The following EXOC6B variants were observed in gnomAD, a reference collection of about 807,000 sequenced individuals.
EXOC6B encodes exocyst complex component 6B, also known as SEC15 homolog B.
Under a neutral mutation model 113.5 loss-of-function variants are expected in EXOC6B, and 54 were observed. That is an observed-to-expected ratio of 0.48 (90% CI 0.38 to 0.60). The LOEUF is 0.60. Ranked by LOEUF, EXOC6B falls within the 20% of genes least tolerant of loss-of-function variation. The probability of loss-of-function intolerance (pLI) is 0.00; values close to 1 mark genes in which losing one functional copy is unlikely to be tolerated. For missense variants in EXOC6B, 797 were observed against 977.5 expected (o/e 0.82, Z 2.46); for synonymous variants, 357 against 339.0 (o/e 1.05, Z -0.58).
chr2:72,379,730 T>A lies in EXOC6B; in HGVS notation c.2121A>T (p.Glu707Asp). 1 of 1,609,750 alleles carries A rather than the reference T, an allele frequency of 6.2e-7. No individual in the cohort carries two copies. The highest frequency in any genetic ancestry group is 8.5e-7 in the Non-Finnish European group (1 of 1,177,518). ...GCACAGGGATGGTCACTGTCTTACG[T>A]TCACATTCTCTGACGTCCAAGTTGA... ...QQFNLDVRECEQFARSGPVPG... is the reference protein window; with the variant it reads ...QQFNLDVRECDQFARSGPVPG... Residue 707 changes from glutamate to aspartate, a missense_variant and splice_region_variant, in exon 19 of 22, where the codon GAA (glutamate) becomes GAT (aspartate). Coordinates refer to ENST00000272427, the MANE Select transcript of EXOC6B (RefSeq NM_015189.3).
At chr2:72,760,479 ATAC>A (rs1682676024) in intron 1 of EXOC6B, 1 of 152,586 alleles carries the variant, frequency 6.6e-6, no homozygotes, top group African/African-American at 2.4e-5. Context: ...TCCATAAATA[ATAC>A]TAAGTTGATT....
At chr2:72,183,893 C>T (rs534880920) in intron 21 of EXOC6B, among the ~76,000 whole-genome samples, 182 bp downstream of exon 21, 1 of 152,278 alleles carries the variant, frequency 6.6e-6, no homozygotes, top group South Asian at 2.1e-4. Flanking sequence ...TAATAAGCCA[C>T]AGGAGGAAGA....
chr2:72,617,517 CTT>C lies in EXOC6B; in HGVS notation c.670-41851_670-41850del, dbSNP rs201912352. 4.8e-3 allele frequency among the ~76,000 whole-genome samples: 461 copies of C among 96,904 alleles called. 3 individuals carry two copies. The highest frequency in any genetic ancestry group is 0.016 in the African/African-American group (436 of 26,452). The allele number at this position is 96,904 out of a possible 152,430, so 63.6% of individuals were successfully genotyped here. ...GGTCCCCAAAGCTCAAATCTTTTTT[CTT>C]TTTTTTTTTTTTTTTTTTTTGAGGC... On this transcript the variant is annotated intron_variant, in intron 6 of 21. Coordinates refer to ENST00000272427, the MANE Select transcript of EXOC6B (RefSeq NM_015189.3).
rs140150826 is a variant in EXOC6B, at chr2:72,239,403, C to T, written c.2197-55216G>A. ...CTTCATTCCTTTACCTGTGGATATC[C>T]AGTTGTCACAGTACCATTTGTGGAA... On this transcript the variant is annotated intron_variant, in intron 20 of 21. Transcript: ENST00000272427. Among the ~76,000 whole-genome samples, 231 of 152,246 alleles carry T rather than the reference C, an allele frequency of 1.5e-3. 5 individuals carry two copies. The highest frequency in any genetic ancestry group is 4.0e-4 in the Non-Finnish European group (27 of 68,016).
At chr2:72,760,546 T>A in intron 1 of EXOC6B, 1 of 162,590 alleles carries the variant, frequency 6.2e-6, no homozygotes, top group South Asian at 1.5e-4. Context: ...GTAATAATGT[T>A]CATCAAATGT....
chr2:72,563,031 T>C (rs1703977768), intron 7 of EXOC6B, among the ~76,000 whole-genome samples: 1 of 152,156 alleles, frequency 6.6e-6, no homozygotes, highest in African/African-American at 2.4e-5. Flanking sequence ...TTCAAACCTT[T>C]TTCCAGAGGA....
intron 6 of EXOC6B, among the ~76,000 whole-genome samples, chr2:72,590,142 A>C (rs1039493948): frequency 6.6e-6 from 1 of 152,032 alleles, no homozygotes; most frequent in Non-Finnish European, 1.5e-5. Context: ...CACTGGCTAT[A>C]TAAGTTGCTA....
intron 18 of EXOC6B, among the ~76,000 whole-genome samples, chr2:72,444,846 T>A (rs1197598311): frequency 6.6e-6 from 1 of 152,140 alleles, no homozygotes; most frequent in Non-Finnish European, 1.5e-5. Context: ...AGGCCCATGA[T>A]GGGAGGGGCT....
At chr2:72,331,209 T>C (rs1426131545) in intron 20 of EXOC6B, among the ~76,000 whole-genome samples, 1 of 152,152 alleles carries the variant, frequency 6.6e-6, no homozygotes, top group Non-Finnish European at 1.5e-5. Flanking sequence ...GTCATTCCTT[T>C]GCTCCCAGAG....
chr2:72,221,973 G>A (rs139218262), intron 20 of EXOC6B, among the ~76,000 whole-genome samples: 2,641 of 152,254 alleles, frequency 0.017, 48 homozygotes, highest in Non-Finnish European at 0.021. Context: ...AGATGAGGAG[G>A]TGAAACTGGG....
intron 18 of EXOC6B, among the ~76,000 whole-genome samples, chr2:72,460,616 A>C (rs1020029311): frequency 2.6e-5 from 4 of 152,254 alleles, no homozygotes; most frequent in African/African-American, 4.8e-5. Flanking sequence ...AATGCTCACC[A>C]TCACTGGTCA....
At chr2:72,691,628 A>G (rs1677485954) in intron 6 of EXOC6B, among the ~76,000 whole-genome samples, 1 of 152,018 alleles carries the variant, frequency 6.6e-6, no homozygotes, top group African/African-American at 2.4e-5. Context: ...GCTTATAAAA[A>G]GAAACTATAA....
intron 19 of EXOC6B, among the ~76,000 whole-genome samples, chr2:72,361,771 A>C (rs1370127826): frequency 1.3e-5 from 2 of 152,192 alleles, no homozygotes; most frequent in Non-Finnish European, 2.9e-5. Flanking sequence ...GAGGAGAGTC[A>C]GCTATATCAC....
At chr2:72,256,718 A>G (rs981698886) in intron 20 of EXOC6B, among the ~76,000 whole-genome samples, 9 of 152,226 alleles carry the variant, frequency 5.9e-5, no homozygotes, top group Non-Finnish European at 1.2e-4. Flanking sequence ...CAACTTGAGA[A>G]ATCAGCTCTG....
At chr2:72,331,852 T>C (rs62149279) in intron 20 of EXOC6B, among the ~76,000 whole-genome samples, 5,016 of 152,200 alleles carry the variant, frequency 0.033, 118 homozygotes, top group Non-Finnish European at 0.051. Context: ...AAAGTGAGAA[T>C]AGGACAAGTA....
At chr2:72,615,710 C>T (rs1671345031) in intron 6 of EXOC6B, among the ~76,000 whole-genome samples, 1 of 151,626 alleles carries the variant, frequency 6.6e-6, no homozygotes, top group African/African-American at 2.4e-5. Flanking sequence ...AATGGATGTA[C>T]TATACTATAC....
chr2:72,760,409 T>C (rs1682672366), intron 1 of EXOC6B: 1 of 152,324 alleles, frequency 6.6e-6, no homozygotes, highest in Non-Finnish European at 1.5e-5. Flanking sequence ...CATCTTAGTG[T>C]CCATTCTATT....
intron 20 of EXOC6B, among the ~76,000 whole-genome samples, chr2:72,265,180 C>T (rs1235333139): frequency 3.3e-5 from 5 of 151,830 alleles, no homozygotes; most frequent in Non-Finnish European, 7.4e-5. Context: ...CTGAGATGGT[C>T]TCAGATGGAG....
At chr2:72,688,181 G>A (rs961994470) in intron 6 of EXOC6B, among the ~76,000 whole-genome samples, 5 of 152,144 alleles carry the variant, frequency 3.3e-5, no homozygotes, top group African/African-American at 9.7e-5. Flanking sequence ...ATTAATTGCT[G>A]AGCATGTACA....
Sources: allele counts gnomAD v4.1 joint callset (sites outside exome capture counted in the v4.1 genomes callset), GRCh38; gene constraint gnomAD v4.1.1; transcripts MANE v1.5; gene names NCBI Gene and HGNC (gene_info 2026-07-23, HGNC 2026-07-21).